Variants in ELFN2 observed in about 807,000 individuals in gnomAD.
The protein encoded by ELFN2 is protein phosphatase 1 regulatory subunit 29.
A neutral mutation model predicts 45.5 loss-of-function variants in ELFN2; 17 were observed. The ratio of observed to expected loss-of-function variants is 0.37; its 90% CI spans 0.26 to 0.56. The LOEUF (loss-of-function observed/expected upper bound fraction) is 0.56. Ranked by LOEUF, ELFN2 falls within the 20% of genes least tolerant of loss-of-function variation. ELFN2 has a pLI of 0.77. For synonymous variants in ELFN2, 550 were observed against 551.5 expected, an observed-to-expected ratio of 1.00 and a Z score of 0.04; for missense variants, 922 against 1,183.2, an observed-to-expected ratio of 0.78 and a Z score of 3.24.
intron 2 of ELFN2, among the ~76,000 whole-genome samples, chr22:37,404,536 G>A (rs1407718051): frequency 2.0e-5 from 3 of 152,060 alleles, no homozygotes; most frequent in Non-Finnish European, 4.4e-5. Flanking sequence ...AGCCCGGGTG[G>A]GGCCAGTTGA....
intron 2 of ELFN2, among the ~76,000 whole-genome samples, chr22:37,386,277 G>A (rs1195594040): frequency 6.6e-6 from 1 of 152,140 alleles, no homozygotes; most frequent in Non-Finnish European, 1.5e-5. Flanking sequence ...AGGGGCCCTG[G>A]GGTTTCTGGA....
At chr22:37,412,063 G>A (rs934764216) in intron 2 of ELFN2, among the ~76,000 whole-genome samples, 7 of 151,938 alleles carry the variant, frequency 4.6e-5, no homozygotes, top group East Asian at 1.9e-4. Context: ...GAGGTTGGGC[G>A]CCTCAGTCTG....
intron 2 of ELFN2, among the ~76,000 whole-genome samples, chr22:37,411,591 A>AG (rs133739): frequency 1 from 152,263 of 152,264 alleles, 76,131 homozygotes; most frequent in Non-Finnish European, 1. Context: ...GGAGGCAGGA[A>AG]GGGCAACATA....
Position 37,375,544 on chromosome 22 carries a change from C to A in ELFN2, c.-10G>T. 6.5e-7 allele frequency: 1 copy of A among 1,536,022 alleles called. No homozygotes were observed. The highest frequency in any genetic ancestry group is 8.8e-7 in the Non-Finnish European group (1 of 1,140,126). ...GCCCCAGGCGCAGCATGGCGCTGGCCTCGGAGTGAGGGGCCAGGGCAAGGC... is the reference window on the plus strand; with the variant it reads ...GCCCCAGGCGCAGCATGGCGCTGGCATCGGAGTGAGGGGCCAGGGCAAGGC... On this transcript the variant is annotated 5_prime_UTR_variant, in exon 3 of 3. It adds an upstream start codon to the 5' untranslated region. Transcript: ENST00000402918.
intron 2 of ELFN2, among the ~76,000 whole-genome samples, chr22:37,409,660 G>A (rs1287945435): frequency 6.6e-6 from 1 of 152,224 alleles, no homozygotes; most frequent in African/African-American, 2.4e-5. Flanking sequence ...AGACACTTCA[G>A]ATCTGAAGTG....
chr22:37,375,540 T>C lies in ELFN2; in HGVS notation c.-6A>G, dbSNP rs900927051. ...CACAGCCCCAGGCGCAGCATGGCGC[T>C]GGCCTCGGAGTGAGGGGCCAGGGCA... On this transcript the variant is annotated 5_prime_UTR_variant, in exon 3 of 3. Transcript: ENST00000402918. 1.9e-6 allele frequency: 3 copies of C among 1,541,030 alleles called. No homozygotes were observed. The highest frequency in any genetic ancestry group is 1.8e-6 in the Non-Finnish European group (2 of 1,142,564).
At chr22:37,354,659 T>C (rs144714336) in intron 1 of ELFN2, 1 of 146,064 alleles carries the variant, frequency 6.8e-6, no homozygotes, top group African/African-American at 2.6e-5. Context: ...CTACCATATC[T>C]TATGGGGTTC....
intron 2 of ELFN2, among the ~76,000 whole-genome samples, chr22:37,393,290 C>T (rs185523920): frequency 6.6e-6 from 1 of 152,380 alleles, no homozygotes; most frequent in Admixed American, 6.5e-5. Flanking sequence ...AGAATGGAAG[C>T]CGATCCTCTC....
intron 2 of ELFN2, among the ~76,000 whole-genome samples, chr22:37,410,781 G>A (rs1014943276): frequency 6.6e-6 from 1 of 152,210 alleles, no homozygotes; most frequent in African/African-American, 2.4e-5. Flanking sequence ...GCCAGCGGGG[G>A]ATGAATATGA....
At chr22:37,424,232 C>T (rs987684976) in intron 1 of ELFN2, among the ~76,000 whole-genome samples, 5 of 152,168 alleles carry the variant, frequency 3.3e-5, no homozygotes, top group African/African-American at 9.7e-5. Context: ...ACATCACACC[C>T]GCAAGGGAAG....
chr22:37,343,016 G>A (rs964314901), intron 1 of ELFN2, among the ~76,000 whole-genome samples: 2 of 152,208 alleles, frequency 1.3e-5, no homozygotes, highest in Non-Finnish European at 2.9e-5. Context: ...GGCAGAGTGG[G>A]TGCCATGGGG....
At chr22:37,403,950 C>T (rs1039361269) in intron 2 of ELFN2, among the ~76,000 whole-genome samples, 9 of 152,190 alleles carry the variant, frequency 5.9e-5, no homozygotes, top group Non-Finnish European at 1.2e-4. Flanking sequence ...AAGAGAGGGA[C>T]GTCCCCAGCA....
intron 2 of ELFN2, among the ~76,000 whole-genome samples, chr22:37,378,720 T>G (rs1459856980): frequency 1.3e-5 from 2 of 152,126 alleles, no homozygotes; most frequent in Admixed American, 1.3e-4. Context: ...GGGAGGAGGC[T>G]CCCATCGTGC....
Position 37,375,667 on chromosome 22 carries a change from A to T in ELFN2, c.-133T>A. 1 of 1,062,858 alleles carries T rather than the reference A, an allele frequency of 9.4e-7. No individual in the cohort carries two copies. The allele number at this position is 1,062,858 out of a possible 1,614,324, so 65.8% of individuals were successfully genotyped here. A position where few individuals can be genotyped will look rare whatever the true frequency, so the allele number is the denominator to read the frequency against. ...GACCCCCAGCACGGGGGCCCCAGGC[A>T]AGGTGGGTACAGCTAGTGCCAACTG... On this transcript the variant is annotated 5_prime_UTR_variant, in exon 3 of 3. Transcript: ENST00000402918.
chr22:37,391,777 G>A (rs1321958006), intron 2 of ELFN2, among the ~76,000 whole-genome samples: 3 of 152,190 alleles, frequency 2.0e-5, no homozygotes, highest in Non-Finnish European at 4.4e-5. Flanking sequence ...GAGAAACTGA[G>A]GCTCTGAGAA....
intron 1 of ELFN2, among the ~76,000 whole-genome samples, chr22:37,425,629 C>A (rs2145696283): frequency 6.6e-6 from 1 of 152,234 alleles, no homozygotes; most frequent in African/African-American, 2.4e-5. Flanking sequence ...CACATACATA[C>A]TTTTTCCTGA....
intron 1 of ELFN2, among the ~76,000 whole-genome samples, chr22:37,345,744 C>T (rs1020993507): frequency 2.6e-5 from 4 of 152,102 alleles, no homozygotes; most frequent in Non-Finnish European, 5.9e-5. Flanking sequence ...GACAGGGTTT[C>T]ACGATATTGG....
rs1372946955 is a variant in ELFN2, at chr22:37,356,152, AG to A, written n.149-13450del. ...AGGTCACTGCAGAGGGCACTGCAGG[AG>A]GGGGCGGTCAACTTCTCTAGGACCT... On this transcript the variant is annotated intron_variant and non_coding_transcript_variant, in intron 1 of 2. Transcript: ENST00000452946. 5.3e-5 allele frequency among the ~76,000 whole-genome samples: 8 copies of A among 152,240 alleles called. No individual in the cohort carries two copies. In the South Asian group the frequency reaches 1.7e-3, roughly 32 times the overall value.
chr22:37,407,099 C>T (rs1932521503), intron 2 of ELFN2, among the ~76,000 whole-genome samples: 1 of 152,178 alleles, frequency 6.6e-6, no homozygotes, highest in South Asian at 2.1e-4. Flanking sequence ...TCATGGCCTA[C>T]TGGGTGTGTG....
Sources: allele counts gnomAD v4.1 joint callset (sites outside exome capture counted in the v4.1 genomes callset), GRCh38; gene constraint gnomAD v4.1.1; transcripts MANE v1.5; gene names NCBI Gene and HGNC (gene_info 2026-07-23, HGNC 2026-07-21).